Variants in VPS13B observed in about 807,000 individuals in gnomAD.
The protein encoded by VPS13B is intermembrane lipid transfer protein VPS13B.
A neutral mutation model predicts 426.4 loss-of-function variants in VPS13B; 285 were observed. The observed-to-expected ratio is 0.67, with a 90% CI of 0.61 to 0.74. The LOEUF (loss-of-function observed/expected upper bound fraction) is 0.74, where lower values mean the gene tolerates loss of function less well. Ranked by LOEUF, VPS13B falls within the 30% of genes least tolerant of loss-of-function variation. The pLI is 0.00. For synonymous variants in VPS13B, 1,676 were observed against 1,676.4 expected (o/e 1.00, Z 0.01); for missense variants, 4,537 against 4,782.6 (o/e 0.95, Z 1.51).
intron 19 of VPS13B, among the ~76,000 whole-genome samples, chr8:99,291,123 G>T (rs1819712558): frequency 6.6e-6 from 1 of 152,102 alleles, no homozygotes; most frequent in African/African-American, 2.4e-5. Context: ...TCAATGGAGA[G>T]AATTACACAG....
At chr8:99,849,031 T>C in intron 55 of VPS13B, 137 bp downstream of exon 55, 2 of 851,270 alleles carry the variant, frequency 2.3e-6, no homozygotes, top group South Asian at 1.4e-5. Flanking sequence ...ATAAAAAATA[T>C]GGTTATTAGC....
Position 99,134,637 on chromosome 8 carries a change from A to G in VPS13B, c.1212A>G (p.Thr404=). 6.2e-7 allele frequency: 1 copy of G among 1,603,442 alleles called. No homozygotes were observed. The highest frequency in any genetic ancestry group is 1.1e-5 in the South Asian group (1 of 88,888). The change falls in exon 9 of 62, where the codon ACA becomes ACG. Residue 404 remains threonine, a synonymous_variant. Coordinates refer to ENST00000357162, the MANE Select transcript of VPS13B (RefSeq NM_152564.5). ...AATATTCTTATATTTCTTAGCTCAC[A>G]GAAATGCAAGTTGAGAGTAGTTATT... ...CTKATVTFKL[T]EMQVESSYYS... is the part of the protein sequence containing the mutation.
chr8:99,312,272 T>G (rs1300579259), intron 19 of VPS13B, among the ~76,000 whole-genome samples: 1 of 152,228 alleles, frequency 6.6e-6, no homozygotes, highest in Non-Finnish European at 1.5e-5. Context: ...CTCGATGGTC[T>G]TTACAATTTG....
At chr8:99,605,408 T>TAA (rs200080476) in intron 33 of VPS13B, among the ~76,000 whole-genome samples, 2 of 151,292 alleles carry the variant, frequency 1.3e-5, no homozygotes, top group African/African-American at 4.9e-5. Flanking sequence ...AGCCATTTGG[T>TAA]AAAAAAAAAT....
intron 16 of VPS13B, among the ~76,000 whole-genome samples, chr8:99,184,731 C>T (rs1036480270): frequency 2.0e-5 from 3 of 152,176 alleles, no homozygotes; most frequent in Non-Finnish European, 4.4e-5. Context: ...TGGCTCACAC[C>T]TGTAATCCTA....
chr8:99,831,908 C>G (rs1023055689), intron 51 of VPS13B, among the ~76,000 whole-genome samples: 2 of 152,128 alleles, frequency 1.3e-5, no homozygotes, highest in African/African-American at 2.4e-5. Context: ...ATAATATTCC[C>G]ATGTCCCCAA....
intron 19 of VPS13B, among the ~76,000 whole-genome samples, chr8:99,375,604 T>G (rs1813441575): frequency 6.6e-6 from 1 of 152,232 alleles, no homozygotes; most frequent in South Asian, 2.1e-4. Context: ...GCTCTTGCAT[T>G]TCTTAGTCTC....
intron 31 of VPS13B, among the ~76,000 whole-genome samples, chr8:99,558,561 A>G (rs967254215): frequency 2.7e-5 from 4 of 149,336 alleles, no homozygotes; most frequent in Non-Finnish European, 4.5e-5. Context: ...TCTCCCCCCT[A>G]CCCCCACCCC....
intron 44 of VPS13B, among the ~76,000 whole-genome samples, chr8:99,810,210 G>A (rs532958915): frequency 6.6e-6 from 1 of 152,276 alleles, no homozygotes; most frequent in African/African-American, 2.4e-5. Context: ...TCTAAAAGAT[G>A]TTTTTCAAGC....
intron 24 of VPS13B, among the ~76,000 whole-genome samples, chr8:99,478,676 T>C (rs1360827179): frequency 6.6e-6 from 1 of 151,944 alleles, no homozygotes; most frequent in Admixed American, 6.6e-5. Context: ...GTTGAACTCC[T>C]GACCTCAGGT....
intron 33 of VPS13B, among the ~76,000 whole-genome samples, chr8:99,591,164 C>CT (rs376201526): frequency 0.094 from 9,038 of 96,332 alleles, 840 homozygotes; most frequent in East Asian, 0.34. Flanking sequence ...GCAACCGCTC[C>CT]TTTTTTTTTT....
chr8:99,818,533 T>C lies in VPS13B; in HGVS notation c.8444T>C (p.Met2815Thr), dbSNP rs1427709841. Reference sequence around the variant, plus strand: ...CCCAACTCTCAAGTGCAACAACGAATGGTGAGTGCTTTCCCAATCCTAAAA... The same window carrying C: ...CCCAACTCTCAAGTGCAACAACGAACGGTGAGTGCTTTCCCAATCCTAAAA... ...LEPNSQVQQR[M>T]IVFSPLFIMR... Residue 2815 changes from methionine (M) to threonine (T), a missense_variant and splice_region_variant, in exon 46 of 62, where the codon ATG becomes ACG. Around this residue, in one of 2 missense-constraint regions of VPS13B, gnomAD observed 4,311 missense variants for 4,474.3 expected, o/e 0.96. Coordinates refer to ENST00000357162, the MANE Select transcript of VPS13B (RefSeq NM_152564.5). The C allele has an allele frequency of 5.0e-6, 8 of 1,613,982 alleles. No homozygotes were observed. Among genetic ancestry groups the C allele is most frequent in the Admixed American group, 1.7e-5 (1 of 60,014 alleles).
At chr8:99,264,483 G>C (rs1818205573) in intron 17 of VPS13B, among the ~76,000 whole-genome samples, 1 of 152,066 alleles carries the variant, frequency 6.6e-6, no homozygotes, top group South Asian at 2.1e-4. Context: ...ATATGTAATT[G>C]ATTGGACTGT....
intron 22 of VPS13B, 90 bp downstream of exon 22, chr8:99,431,754 A>C (rs1207711484): frequency 7.3e-7 from 1 of 1,371,890 alleles, no homozygotes; most frequent in Non-Finnish European, 1.0e-6. Flanking sequence ...CTTTTCTCAC[A>C]TGTAACAATT....
intron 35 of VPS13B, among the ~76,000 whole-genome samples, chr8:99,693,798 C>T (rs1831805451): frequency 1.3e-5 from 2 of 149,838 alleles, no homozygotes; most frequent in Admixed American, 6.7e-5. Context: ...TAGAAAACCC[C>T]ATCGTCTCAG....
At chr8:99,658,969 C>T (rs893684213) in intron 34 of VPS13B, among the ~76,000 whole-genome samples, 3 of 152,088 alleles carry the variant, frequency 2.0e-5, no homozygotes, top group Non-Finnish European at 2.9e-5. Flanking sequence ...GGACTACAGG[C>T]ATGGCAGGTG....
chr8:99,847,995 A>G (rs1474287495), intron 54 of VPS13B, among the ~76,000 whole-genome samples: 2 of 152,198 alleles, frequency 1.3e-5, no homozygotes, highest in Non-Finnish European at 2.9e-5. Context: ...CTTCCCAAGC[A>G]TAAGGAGGTT....
At chr8:99,170,301 C>A in intron 16 of VPS13B, 138 bp downstream of exon 16, 1 of 1,062,836 alleles carries the variant, frequency 9.4e-7, no homozygotes, top group Non-Finnish European at 1.4e-6. Flanking sequence ...TGTACTTTTA[C>A]TGAGACACTA....
chr8:99,478,480 T>G (rs532693456), intron 24 of VPS13B, among the ~76,000 whole-genome samples: 26 of 147,604 alleles, frequency 1.8e-4, no homozygotes, highest in Middle Eastern at 3.4e-3. Context: ...TTTGTTTTTT[T>G]TTTTTTGCCG....
Sources: gnomAD v4.1 joint callset for allele counts (sites outside exome capture counted in the v4.1 genomes callset) on GRCh38, gnomAD v4.1.1 for gene constraint, gnomAD v4.1.1 regional missense constraint, MANE v1.5 for transcripts, NCBI Gene and HGNC (gene_info 2026-07-23, HGNC 2026-07-21) for gene names.